The following NDUFV3 variants were observed in gnomAD, a reference collection of about 807,000 sequenced individuals.
NDUFV3 encodes NADH:ubiquinone oxidoreductase subunit V3.
NDUFV3 carries 44 observed loss-of-function variants against 37.5 expected under a neutral mutation model. The ratio of observed to expected loss-of-function variants is 1.17; its 90% CI spans 0.92 to 1.51. The LOEUF is 1.51. Among genes scored for constraint, NDUFV3 ranks in the 40% most tolerant of loss-of-function variants. NDUFV3 has a pLI of 0.00. For missense variants in NDUFV3, 580 were observed against 580.4 expected, an observed-to-expected ratio of 1.00 and a Z score of 0.01; for synonymous variants, 235 against 239.3, an observed-to-expected ratio of 0.98 and a Z score of 0.17.
intron 2 of NDUFV3, among the ~76,000 whole-genome samples, chr21:42,897,887 G>A (rs60355366): frequency 0.24 from 36,172 of 148,534 alleles, 4,572 homozygotes; most frequent in African/African-American, 0.27. Context: ...CATGTTAGCC[G>A]GGATGGTCTT....
Position 42,913,158 on chromosome 21 carries a change from TTTCCCCCTGACCTTGGCCTTTA to T in NDUFV3, c.*4141_*4162del, listed in dbSNP as rs1229126334. ...CCTTCTCTCCCTGACCCTCCTTCCC[TTTCCCCCTGACCTTGGCCTTTA>T]TTCTAGAACGGATCTGAAGCAATAG... is the stretch of plus-strand genomic sequence containing the variant. On this transcript the variant is annotated 3_prime_UTR_variant, in exon 4 of 4. Transcript: ENST00000354250. The T allele has an allele frequency of 1.3e-5, 2 of 152,234 alleles. No individual in the cohort carries two copies. Among genetic ancestry groups the T allele is most frequent in the Non-Finnish European group, 2.9e-5 (2 of 68,044 alleles). The allele number at this position is 152,234 out of a possible 1,614,324, so 9.4% of individuals were successfully genotyped here. A position where few individuals can be genotyped will look rare whatever the true frequency, so the allele number is the denominator to read the frequency against.
chr21:42,903,874 A>G lies in NDUFV3; in HGVS notation c.862A>G (p.Lys288Glu), dbSNP rs574323012. The G allele has an allele frequency of 5.0e-6, 8 of 1,612,574 alleles. No homozygotes were observed. The highest frequency in any genetic ancestry group is 6.8e-6 in the Non-Finnish European group (8 of 1,179,766). Reference protein sequence around the residue: ...DKESQKPFEVKGPLPVHTKSG... With the variant: ...DKESQKPFEVEGPLPVHTKSG... ...AGAAAGCCAAAAGCCATTTGAAGTTAAAGGACCCTTACCTGTCCACACAAA... is the reference window on the plus strand; with the variant it reads ...AGAAAGCCAAAAGCCATTTGAAGTTGAAGGACCCTTACCTGTCCACACAAA... The change falls in exon 3 of 4, where the codon AAA becomes GAA. Residue 288 changes from lysine (K) to glutamate (E), a missense_variant. Physicochemically the swap from Lys to Glu is moderately conservative, Grantham distance 56. Transcript: ENST00000354250.
chr21:42,911,959 G>A lies in NDUFV3; in HGVS notation c.*2938G>A, dbSNP rs1048695353. 2.6e-4 allele frequency: 39 copies of A among 152,176 alleles called. No individual in the cohort carries two copies. Among genetic ancestry groups the A allele is most frequent in the African/African-American group, 9.4e-4 (39 of 41,424 alleles). The allele number at this position is 152,176 out of a possible 1,614,324, so 9.4% of individuals were successfully genotyped here. On this transcript the variant is annotated 3_prime_UTR_variant, in exon 4 of 4. Transcript: ENST00000354250. The stretch of plus-strand genomic sequence containing the variant: ...TGAGACTTGTATAAAGTTCTTTCCT[G>A]GCTGGGCGCGGTGGCTCATGCCTGT...
intron 1 of NDUFV3, among the ~76,000 whole-genome samples, chr21:42,895,977 T>G (rs370089750): frequency 3.1e-5 from 4 of 127,146 alleles, no homozygotes; most frequent in South Asian, 2.3e-4. Flanking sequence ...GCACTTTGGT[T>G]GTTTTTCTTT....
In NDUFV3 at chr21:42,903,704, G is replaced by A. The variant is rs151117436; in HGVS notation, c.692G>A (p.Gly231Glu). The change falls in exon 3 of 4, where the codon GGG becomes GAG. Residue 231 changes from glycine (G) to glutamate (E), a missense_variant. Physicochemically the swap from Gly to Glu is moderately conservative, Grantham distance 98 (BLOSUM62 -2). Transcript: ENST00000354250. ...AAGCCCCACCAGCCAAAGAAGAAAGGGTCCCCTGCTAAGCCATCAGAAGGC... is the reference window on the plus strand; with the variant it reads ...AAGCCCCACCAGCCAAAGAAGAAAGAGTCCCCTGCTAAGCCATCAGAAGGC... ...PEKPHQPKKK[G>E]SPAKPSEGRE... 1.8e-4 allele frequency: 289 copies of A among 1,613,976 alleles called. No homozygotes were observed. Among genetic ancestry groups the A allele is most frequent in the Non-Finnish European group, 2.3e-4 (271 of 1,180,046 alleles).
At position 42,913,087 on chromosome 21, in the gene NDUFV3, TTAAA is replaced by T. The variant is rs1226512204; in HGVS notation, c.*4070_*4073del. Reference sequence around the variant, plus strand: ...TCAAAAAATAAATTAATTAATTAAATTAAATAAGTGGGTGTTTTAAGTGCTCAGC... The same window carrying T: ...TCAAAAAATAAATTAATTAATTAAATTAAGTGGGTGTTTTAAGTGCTCAGC... On this transcript the variant is annotated 3_prime_UTR_variant, in exon 4 of 4. Transcript: ENST00000354250. 4 of 152,082 alleles carry T rather than the reference TTAAA, an allele frequency of 2.6e-5. No homozygotes were observed. Among genetic ancestry groups the T allele is most frequent in the Non-Finnish European group, 5.9e-5 (4 of 68,030 alleles). 9.4% of individuals were successfully genotyped at this position (152,082 alleles called of 1,614,324 possible).
chr21:42,905,421 C>T (rs989593020), intron 3 of NDUFV3, among the ~76,000 whole-genome samples: 1 of 152,186 alleles, frequency 6.6e-6, no homozygotes, highest in African/African-American at 2.4e-5. Flanking sequence ...GCATCCTTTC[C>T]CCTGGACAGC....
At chr21:42,906,996 A>AT in intron 3 of NDUFV3, 2 of 429,058 alleles carry the variant, frequency 4.7e-6, no homozygotes, top group East Asian at 6.8e-5. Context: ...TATTTAGGTT[A>AT]TTTTTTTGTG....
intron 1 of NDUFV3, among the ~76,000 whole-genome samples, chr21:42,894,956 A>C (rs566533932): frequency 6.6e-6 from 1 of 152,262 alleles, no homozygotes; most frequent in East Asian, 1.9e-4. Context: ...AAAATATCAC[A>C]TTTATATTGT....
chr21:42,901,317 T>C (rs1470031529), intron 2 of NDUFV3, among the ~76,000 whole-genome samples: 1 of 151,804 alleles, frequency 6.6e-6, no homozygotes, highest in African/African-American at 2.4e-5. Flanking sequence ...TGGTGCATGC[T>C]TGTAGTCCCA....
rs1371239146 is a variant in NDUFV3 at position 42,901,762 on chromosome 21, G to A, written c.170-1420G>A. ...CCATGTCATAGACAAGGAAGTTGAG[G>A]TCTGGAGGGACTGACCTGCCTGAGT... On this transcript the variant is annotated intron_variant, in intron 2 of 3. Transcript: ENST00000354250. Among the ~76,000 whole-genome samples the A allele has an allele frequency of 5.3e-5, 8 of 152,314 alleles. 1 individual carries two copies. In the South Asian group the frequency reaches 1.4e-3, roughly 28 times the overall value.
chr21:42,896,044 C>T (rs1044873164), intron 1 of NDUFV3, among the ~76,000 whole-genome samples: 7 of 144,614 alleles, frequency 4.8e-5, no homozygotes, highest in East Asian at 2.0e-4. Context: ...AGTGCAGTGG[C>T]GTGATCTCAG....
chr21:42,894,998 C>T (rs1568854748), intron 1 of NDUFV3, among the ~76,000 whole-genome samples: 1 of 152,220 alleles, frequency 6.6e-6, no homozygotes, highest in East Asian at 1.9e-4. Flanking sequence ...TATATACCTA[C>T]ATCATTTTAG....
At position 42,911,923 on chromosome 21, in the gene NDUFV3, A is replaced by C. The variant is rs146446182; in HGVS notation, c.*2902A>C. 3.4e-4 allele frequency: 52 copies of C among 152,290 alleles called. No individual in the cohort carries two copies. Among genetic ancestry groups the C allele is most frequent in the African/African-American group, 1.2e-3 (50 of 41,556 alleles). 9.4% of individuals were successfully genotyped at this position (152,290 alleles called of 1,614,324 possible). On this transcript the variant is annotated 3_prime_UTR_variant, in exon 4 of 4. Transcript: ENST00000354250. ...TATATTTTGATTTGCATATATTTTT[A>C]AGATAAAGCATGAGACTTGTATAAA...
chr21:42,900,266 C>T (rs1428594140), intron 2 of NDUFV3, among the ~76,000 whole-genome samples: 2 of 152,114 alleles, frequency 1.3e-5, no homozygotes, highest in African/African-American at 2.4e-5. Context: ...CTTTTGCAGG[C>T]CAAGGCGGGC....
At chr21:42,905,471 T>G (rs1454227486) in intron 3 of NDUFV3, among the ~76,000 whole-genome samples, 2 of 152,218 alleles carry the variant, frequency 1.3e-5, no homozygotes, top group Non-Finnish European at 2.9e-5. Context: ...TGTGGGCTGC[T>G]TTACTCTTCT....
chr21:42,906,878 G>A (rs780876680), intron 3 of NDUFV3: 14 of 518,844 alleles, frequency 2.7e-5, no homozygotes, highest in South Asian at 2.0e-4. Context: ...ACCTTGTGGA[G>A]ATTGGAAGGA....
rs765055846 is a variant in NDUFV3 at position 42,903,793 on chromosome 21, C to G, written c.781C>G (p.Gln261Glu). Residue 261 changes from glutamine to glutamate, a missense_variant, in exon 3 of 4, where the codon CAA becomes GAA. Physicochemically the swap from Gln to Glu is conservative, Grantham distance 29. Coordinates refer to ENST00000354250, the MANE Select transcript of NDUFV3 (RefSeq NM_021075.4). Reference sequence around the variant, plus strand: ...TCAAGTAGATGAAGAGTTTTTGAAGCAAAGTTTAAAGGAAAAACAATTGCA... The same window carrying G: ...TCAAGTAGATGAAGAGTTTTTGAAGGAAAGTTTAAAGGAAAAACAATTGCA... Reference protein sequence around the residue: ...RSQVDEEFLKQSLKEKQLQKT... With the variant: ...RSQVDEEFLKESLKEKQLQKT... The G allele has an allele frequency of 1.9e-5, 31 of 1,613,914 alleles. No individual in the cohort carries two copies. The Admixed American group carries it at 5.2e-4, about 27-fold the overall frequency.
chr21:42,907,578 C>T (rs191001619), intron 3 of NDUFV3, among the ~76,000 whole-genome samples: 2 of 151,782 alleles, frequency 1.3e-5, no homozygotes, highest in East Asian at 1.9e-4. Flanking sequence ...AGCCTCCTGA[C>T]ATAGCTGGGA....
Sources: allele counts gnomAD v4.1 joint callset (sites outside exome capture counted in the v4.1 genomes callset), GRCh38; gene constraint gnomAD v4.1.1; transcripts MANE v1.5; gene names NCBI Gene and HGNC (gene_info 2026-07-23, HGNC 2026-07-21).